TENM2: variants seen among roughly 807,000 people sequenced by gnomAD.
TENM2 encodes the protein teneurin-2.
Under a neutral mutation model 245.2 loss-of-function variants are expected in TENM2, and 52 were observed. The ratio of observed to expected loss-of-function variants is 0.21; its 90% CI spans 0.17 to 0.27. TENM2 has a LOEUF of 0.27. Ranked by LOEUF, TENM2 falls within the 10% of genes least tolerant of loss-of-function variation. TENM2 has a pLI of 1.00. For missense variants in TENM2, 3,046 were observed against 3,666.8 expected (o/e 0.83, Z 4.37); for synonymous variants, 1,363 against 1,438.9 (o/e 0.95, Z 1.19).
At chr5:167,993,699 G>A (rs181591930) in intron 5 of TENM2, among the ~76,000 whole-genome samples, 60 of 152,326 alleles carry the variant, frequency 3.9e-4, no homozygotes, top group African/African-American at 1.4e-3. Flanking sequence ...CATCCATCCA[G>A]GTCTTTATAC....
rs541475028 is a variant in TENM2 at position 167,992,037 on chromosome 5, A to G, written c.948-907A>G. Among the ~76,000 whole-genome samples the G allele has an allele frequency of 9.9e-5, 15 of 151,938 alleles. No homozygotes were observed. In the South Asian group the frequency reaches 2.7e-3, roughly 27 times the overall value. On this transcript the variant is annotated intron_variant, in intron 4 of 28. Coordinates refer to ENST00000518659, the Ensembl canonical transcript of TENM2. ...ACTCAGGAACGGAAAACCAAACATC[A>G]TATGTTCTCACTTATAAGTGGGAGC... is the stretch of plus-strand genomic sequence containing the variant.
chr5:167,422,266 T>C (rs904107164), intron 2 of TENM2, among the ~76,000 whole-genome samples: 2 of 152,236 alleles, frequency 1.3e-5, no homozygotes, highest in Non-Finnish European at 2.9e-5. Flanking sequence ...AAATATAATG[T>C]GGCTAGCAAT....
chr5:167,104,456 C>A, the TENM2 span, among the ~76,000 whole-genome samples: 1 of 152,056 alleles, frequency 6.6e-6, no homozygotes, highest in East Asian at 1.9e-4. Context: ...GGAATGAGGG[C>A]AAATATGGAA....
intron 10 of TENM2, among the ~76,000 whole-genome samples, chr5:168,121,071 T>C (rs1795436974): frequency 6.6e-6 from 1 of 152,222 alleles, no homozygotes; most frequent in Non-Finnish European, 1.5e-5. Context: ...ATAAATGTAA[T>C]TCATGGTTCT....
chr5:168,204,867 G>T (rs1421339875), intron 19 of TENM2, among the ~76,000 whole-genome samples: 1 of 152,222 alleles, frequency 6.6e-6, no homozygotes, highest in Non-Finnish European at 1.5e-5. Flanking sequence ...CTCCAGACTG[G>T]AGAACAACCA....
intron 2 of TENM2, among the ~76,000 whole-genome samples, chr5:167,378,588 C>T (rs907629364): frequency 2.6e-5 from 4 of 151,860 alleles, no homozygotes; most frequent in Admixed American, 1.3e-4. Context: ...GAGAACAGCC[C>T]GGCCAAGTTT....
chr5:167,028,325 ACT>A, the TENM2 span, among the ~76,000 whole-genome samples: 1 of 151,980 alleles, frequency 6.6e-6, no homozygotes, highest in African/African-American at 2.4e-5. Flanking sequence ...TTTTTAGACA[ACT>A]CTCTGTTTTC....
At chr5:167,011,942 G>A in the TENM2 span, among the ~76,000 whole-genome samples, 7 of 152,148 alleles carry the variant, frequency 4.6e-5, no homozygotes, top group South Asian at 6.2e-4. Context: ...GCATATTGTC[G>A]TGTAGGTTGA....
intron 2 of TENM2, among the ~76,000 whole-genome samples, chr5:167,472,576 G>A (rs955254650): frequency 6.6e-6 from 1 of 152,160 alleles, no homozygotes; most frequent in South Asian, 2.1e-4. Flanking sequence ...TCTTGCCTTG[G>A]TTGCCTTAGA....
intron 13 of TENM2, among the ~76,000 whole-genome samples, chr5:168,179,408 A>G (rs1759654396): frequency 6.6e-6 from 1 of 152,238 alleles, no homozygotes; most frequent in African/African-American, 2.4e-5. Flanking sequence ...ACTTAATTGT[A>G]AACTTAAGTC....
intron 1 of TENM2, among the ~76,000 whole-genome samples, chr5:167,373,430 C>T (rs1760560112): frequency 6.6e-6 from 1 of 152,268 alleles, no homozygotes; most frequent in Non-Finnish European, 1.5e-5. Context: ...AGTGGGTAAA[C>T]TCTTGGCTTT....
At chr5:167,013,736 G>A in the TENM2 span, among the ~76,000 whole-genome samples, 1 of 152,094 alleles carries the variant, frequency 6.6e-6, no homozygotes, top group Non-Finnish European at 1.5e-5. Context: ...AATTCAAGCA[G>A]TGACTGAAGG....
rs555302146 is a variant in TENM2 at position 168,161,280 on chromosome 5, G to C, written c.2423-1331G>C. ...CTGCACTTTATGTAGTTTAAAAATA[G>C]ATGTAGAAAAAAATGGAAACAGAGA... is the stretch of plus-strand genomic sequence containing the variant. On this transcript the variant is annotated intron_variant, in intron 12 of 28. Transcript: ENST00000518659. Among the ~76,000 whole-genome samples, 14 of 152,226 alleles carry C rather than the reference G, an allele frequency of 9.2e-5. No individual in the cohort carries two copies. The South Asian group carries it at 1.4e-3, about 16-fold the overall frequency.
At chr5:167,997,452 A>C (rs957331646) in intron 5 of TENM2, among the ~76,000 whole-genome samples, 3 of 152,182 alleles carry the variant, frequency 2.0e-5, no homozygotes, top group African/African-American at 7.2e-5. Context: ...TATTATAATC[A>C]GTCCTCATAT....
intron 2 of TENM2, among the ~76,000 whole-genome samples, chr5:167,810,091 T>G (rs1766521721): frequency 6.6e-6 from 1 of 152,158 alleles, no homozygotes; most frequent in Non-Finnish European, 1.5e-5. Context: ...GAGTAGACTT[T>G]GAACCTGCCT....
At chr5:167,220,606 G>T in the TENM2 span, among the ~76,000 whole-genome samples, 4 of 152,018 alleles carry the variant, frequency 2.6e-5, no homozygotes, top group African/African-American at 9.6e-5. Flanking sequence ...ATCACGTATA[G>T]GTGCATGACT....
chr5:167,018,065 T>G, the TENM2 span, among the ~76,000 whole-genome samples: 2 of 152,218 alleles, frequency 1.3e-5, no homozygotes, highest in Admixed American at 6.5e-5. Context: ...ATTCTTAATC[T>G]TCTTCATAAT....
At chr5:168,072,052 T>C (rs1791055221) in intron 7 of TENM2, among the ~76,000 whole-genome samples, 1 of 152,190 alleles carries the variant, frequency 6.6e-6, no homozygotes, top group Non-Finnish European at 1.5e-5. Context: ...ACCCCCAGTT[T>C]GCTCCCTCTT....
intron 3 of TENM2, among the ~76,000 whole-genome samples, chr5:167,910,209 C>T (rs1244969706): frequency 2.6e-5 from 4 of 152,112 alleles, no homozygotes; most frequent in African/African-American, 7.2e-5. Flanking sequence ...CATCACTAAT[C>T]GATCACAGCC....
Sources: gnomAD v4.1 joint callset for allele counts (sites outside exome capture counted in the v4.1 genomes callset) on GRCh38, gnomAD v4.1.1 for gene constraint, MANE v1.5 for transcripts, NCBI Gene and HGNC (gene_info 2026-07-23, HGNC 2026-07-21) for gene names.